Variants in CCNL1 observed in about 807,000 individuals in gnomAD.
The protein encoded by CCNL1 is cyclin-L1.
A neutral mutation model predicts 60.6 loss-of-function variants in CCNL1; 13 were observed. That is an observed-to-expected ratio of 0.21 (90% CI 0.14 to 0.34). The LOEUF (loss-of-function observed/expected upper bound fraction) is 0.34. CCNL1 is among the 10% of genes least tolerant of loss of function. The pLI, the probability that CCNL1 is intolerant of heterozygous loss-of-function variation, is 1.00. For missense variants in CCNL1, 481 were observed against 664.3 expected, an observed-to-expected ratio of 0.72 and a Z score of 3.03; for synonymous variants, 270 against 244.3, an observed-to-expected ratio of 1.10 and a Z score of -0.98.
In CCNL1 at chr3:157,152,754, T is replaced by C. The variant is rs1032014846; in HGVS notation, c.609+282A>G. ...CTTGGAATGAGGAACTTTACATCTC[T>C]GTTTTCTAGGTGGAAAAACTGGGAC... On this transcript the variant is annotated intron_variant, in intron 4 of 10. Transcript: ENST00000295926. The C allele has an allele frequency of 4.2e-6, 5 of 1,179,000 alleles. No homozygotes were observed. In the African/African-American group the frequency reaches 8.1e-5, roughly 19 times the overall value. 73.0% of individuals were successfully genotyped at this position (1,179,000 alleles called of 1,614,324 possible).
At chr3:157,145,465 C>CA (rs1737755671), downstream of CCNL1, among the ~76,000 whole-genome samples, 1 of 66,630 alleles carries the variant, frequency 1.5e-5, no homozygotes, top group African/African-American at 6.0e-5. Context: ...AAAAAAAAAA[C>CA]CAAAACGGGA....
At chr3:157,150,532 A>C (rs1334233307) in intron 5 of CCNL1, 151 bp from the exon 6 acceptor site, 90 of 1,371,858 alleles carry the variant, frequency 6.6e-5, no homozygotes, top group Non-Finnish European at 8.1e-5. Flanking sequence ...CTCTTAACTC[A>C]AAAAAATCAG....
intron 5 of CCNL1, 111 bp from the exon 6 acceptor site, chr3:157,150,492 T>G (rs1738102379): frequency 6.8e-7 from 1 of 1,460,892 alleles, no homozygotes; most frequent in Admixed American, 2.4e-5. Flanking sequence ...CTTATTTATA[T>G]TCACATCCTC....
At chr3:157,146,761 CTATTTA>C (rs1443531235), downstream of CCNL1, among the ~76,000 whole-genome samples, 4 of 152,144 alleles carry the variant, frequency 2.6e-5, no homozygotes, top group African/African-American at 9.7e-5. Context: ...TCAGAAATAT[CTATTTA>C]TAATTCAGCA....
Position 157,159,848 on chromosome 3 carries a change from G to C in CCNL1, c.247C>G (p.Arg83Gly), listed in dbSNP as rs766678232. The C allele has an allele frequency of 6.4e-7, 1 of 1,567,542 alleles. No homozygotes were observed. Among genetic ancestry groups the C allele is most frequent in the Non-Finnish European group, 8.7e-7 (1 of 1,155,342 alleles). The change falls in exon 1 of 11, where the codon CGC becomes GGC. Residue 83 changes from arginine (R) to glycine (G), a missense_variant. Physicochemically the swap from Arg to Gly is moderately radical, Grantham distance 125 (BLOSUM62 -2). Coordinates refer to ENST00000295926, the MANE Select transcript of CCNL1 (RefSeq NM_020307.4). ...GLDLPSETDLRILGCELIQAA... is the reference protein window; with the variant it reads ...GLDLPSETDLGILGCELIQAA... ...TGGATGAGCTCGCAGCCCAGGATGC[G>C]TAAGTCCGTCTCACTGGGCAGGTCG... is the stretch of plus-strand genomic sequence containing the variant.
At position 157,149,538 on chromosome 3, in the gene CCNL1, T is replaced by C. The variant is rs767725088; in HGVS notation, c.1080A>G (p.Thr360=). The C allele has an allele frequency of 6.2e-7, 1 of 1,614,150 alleles. No individual in the cohort carries two copies. The highest frequency in any genetic ancestry group is 2.2e-5 in the East Asian group (1 of 44,872). The change falls in exon 9 of 11, where the codon ACA becomes ACG. Residue 360 remains threonine, a synonymous_variant. Coordinates refer to ENST00000295926, the MANE Select transcript of CCNL1 (RefSeq NM_020307.4). ...GTCTATCCTCAGGTTCTTTTTTGAC[T>C]GTCTTCACATTAATGGAGATTGGTG... The part of the protein sequence containing the change: ...EKSPISINVK[T]VKKEPEDRQQ...
chr3:157,150,460 CTACTT>C, intron 5 of CCNL1, 79 bp from the exon 6 acceptor site: 1 of 1,515,468 alleles, frequency 6.6e-7, no homozygotes, highest in Non-Finnish European at 8.9e-7. Flanking sequence ...GAGACTCAAT[CTACTT>C]TATTCTTTTT....
In CCNL1 at chr3:157,147,942, A is replaced by T. The variant is rs749468652; in HGVS notation, c.*299T>A. 1.2e-4 allele frequency: 132 copies of T among 1,089,408 alleles called. No individual in the cohort carries two copies. Among genetic ancestry groups the T allele is most frequent in the Middle Eastern group, 1.2e-3 (3 of 2,524 alleles). 67.5% of individuals were successfully genotyped at this position (1,089,408 alleles called of 1,614,324 possible). A position where few individuals can be genotyped will look rare whatever the true frequency, so the allele number is the denominator to read the frequency against. ...CTGCAATTTTATCTGTATAAAAATA[A>T]GATACATTTTTACAGAATTCACGCT... On this transcript the variant is annotated 3_prime_UTR_variant, in exon 11 of 11. Transcript: ENST00000295926.
chr3:157,151,593 T>G (rs1345518845), intron 5 of CCNL1: 1 of 987,516 alleles, frequency 1.0e-6, no homozygotes, highest in Non-Finnish European at 1.2e-6. Flanking sequence ...CTATACACAC[T>G]AAAAATAAAA....
chr3:157,152,698 G>A (rs1738286475), intron 4 of CCNL1: 1 of 1,122,470 alleles, frequency 8.9e-7, no homozygotes, highest in Non-Finnish European at 1.1e-6. Flanking sequence ...TGATAAGTGT[G>A]CCAGATACTT....
chr3:157,152,723 T>G, intron 4 of CCNL1: 1 of 1,150,528 alleles, frequency 8.7e-7, no homozygotes, highest in Non-Finnish European at 1.1e-6. Flanking sequence ...AGCTACACAT[T>G]TATTCCTTGG....
chr3:157,154,879 G>C (rs1490433264), intron 3 of CCNL1, among the ~76,000 whole-genome samples: 1 of 151,838 alleles, frequency 6.6e-6, no homozygotes, highest in African/African-American at 2.4e-5. Flanking sequence ...TTGCTCTTTG[G>C]AAAATAAGTC....
chr3:157,148,356 C>T lies in CCNL1; in HGVS notation c.1466G>A (p.Arg489Lys), dbSNP rs1418572415. 1 of 1,614,170 alleles carries T rather than the reference C, an allele frequency of 6.2e-7. No homozygotes were observed. Among genetic ancestry groups the T allele is most frequent in the Non-Finnish European group, 8.5e-7 (1 of 1,180,034 alleles). The change falls in exon 11 of 11, where the codon AGG (arginine) becomes AAG (lysine). Residue 489 changes from arginine to lysine, a missense_variant. Around this residue, in one of 5 missense-constraint regions of CCNL1, gnomAD observed 197 missense variants for 233.9 expected, o/e 0.84. Transcript: ENST00000295926. ...RDHSDAAKKH[R>K]HERGHHRDRR... Reference sequence around the variant, plus strand: ...GTCCCTATGATGTCCCCTTTCATGCCTGTGTTTCTTGGCTGCATCTGAGTG... The same window carrying T: ...GTCCCTATGATGTCCCCTTTCATGCTTGTGTTTCTTGGCTGCATCTGAGTG...
downstream of CCNL1, among the ~76,000 whole-genome samples, chr3:157,143,694 C>T (rs1577064663): frequency 6.6e-6 from 1 of 152,116 alleles, no homozygotes; most frequent in Non-Finnish European, 1.5e-5. Context: ...TTTAGAGAGG[C>T]TTACTTAGAA....
chr3:157,145,159 G>A (rs895639210), downstream of CCNL1, among the ~76,000 whole-genome samples: 21 of 152,200 alleles, frequency 1.4e-4, no homozygotes, highest in Non-Finnish European at 2.2e-4. Flanking sequence ...GGATTTTGCC[G>A]GGCGCGGTGG....
At chr3:157,156,763 TAAGAC>T (rs774025185) in intron 3 of CCNL1, among the ~76,000 whole-genome samples, 1 of 152,216 alleles carries the variant, frequency 6.6e-6, no homozygotes, top group Non-Finnish European at 1.5e-5. Flanking sequence ...ATAGCATCAT[TAAGAC>T]AAGTGATATG....
At chr3:157,153,200 A>G (rs750791681) in intron 3 of CCNL1, 44 bp from the exon 4 acceptor site, 31 of 1,571,850 alleles carry the variant, frequency 2.0e-5, no homozygotes, top group South Asian at 1.6e-4. Flanking sequence ...TTGCACATCC[A>G]AAAAATTTTA....
chr3:157,151,500 A>C, intron 5 of CCNL1: 1 of 985,910 alleles, frequency 1.0e-6, no homozygotes, highest in South Asian at 4.7e-5. Flanking sequence ...AATACAGCCA[A>C]GCAGTTATAT....
intron 5 of CCNL1, chr3:157,151,950 A>G: frequency 7.5e-7 from 1 of 1,331,356 alleles, no homozygotes; most frequent in African/African-American, 1.5e-5. Context: ...AAGAGTAGAA[A>G]AAAGAACAAA....
Sources: gnomAD v4.1 joint callset for allele counts (sites outside exome capture counted in the v4.1 genomes callset) on GRCh38, gnomAD v4.1.1 for gene constraint, gnomAD v4.1.1 regional missense constraint, MANE v1.5 for transcripts, NCBI Gene and HGNC (gene_info 2026-07-23, HGNC 2026-07-21) for gene names.